SLC38A9: variants seen among roughly 807,000 people sequenced by gnomAD.
The protein encoded by SLC38A9 is neutral amino acid transporter 9.
SLC38A9 carries 48 observed loss-of-function variants against 62.3 expected under a neutral mutation model. That is an observed-to-expected ratio of 0.77 (90% CI 0.61 to 0.98). The LOEUF (loss-of-function observed/expected upper bound fraction) is 0.98, where lower values mean the gene tolerates loss of function less well. Ranked by LOEUF, SLC38A9 falls within the 50% of genes least tolerant of loss-of-function variation. SLC38A9 has a pLI of 0.00. For missense variants in SLC38A9, 541 were observed against 679.8 expected, an observed-to-expected ratio of 0.80 and a Z score of 2.27; for synonymous variants, 204 against 227.7, an observed-to-expected ratio of 0.90 and a Z score of 0.94.
chr5:55,634,654 G>C (rs1239727825), intron 13 of SLC38A9: 1 of 152,078 alleles, frequency 6.6e-6, no homozygotes, highest in East Asian at 1.9e-4. Flanking sequence ...AAGAAAATAA[G>C]AACATTTCCA....
chr5:55,690,957 A>G (rs754818263), intron 3 of SLC38A9, among the ~76,000 whole-genome samples: 17 of 152,196 alleles, frequency 1.1e-4, no homozygotes, highest in Non-Finnish European at 2.5e-4. Flanking sequence ...TAAGTACCAA[A>G]AAGAGTCAAC....
rs1187998050 is a variant in SLC38A9, at chr5:55,669,866, T to C, written c.260A>G (p.His87Arg). The change falls in exon 5 of 16, where the codon CAT becomes CGT. Residue 87 changes from histidine to arginine, a missense_variant. Coordinates refer to ENST00000396865, the MANE Select transcript of SLC38A9 (RefSeq NM_173514.4). ...GCACTCTTCTGGAGCTGGAACTACA[T>C]GGTCTGGGGCAATCTGGTAAAAAGG... ...PADKALIAPD[H>R]VVPAPEECYV... is the part of the protein sequence containing the mutation. 2.5e-6 allele frequency: 4 copies of C among 1,606,646 alleles called. No homozygotes were observed. The highest frequency in any genetic ancestry group is 3.4e-6 in the Non-Finnish European group (4 of 1,177,884).
chr5:55,675,666 G>T (rs926796146), intron 3 of SLC38A9, among the ~76,000 whole-genome samples: 2 of 152,054 alleles, frequency 1.3e-5, no homozygotes, highest in South Asian at 2.1e-4. Flanking sequence ...AGTCATATTT[G>T]TCTTACCTTA....
At chr5:55,639,496 G>C (rs989266120) in intron 12 of SLC38A9, among the ~76,000 whole-genome samples, 4 of 151,980 alleles carry the variant, frequency 2.6e-5, no homozygotes, top group African/African-American at 9.7e-5. Context: ...CTATTCTTTT[G>C]TCTTCTTTTC....
At chr5:55,679,393 T>C (rs1475122355) in intron 3 of SLC38A9, among the ~76,000 whole-genome samples, 1 of 152,168 alleles carries the variant, frequency 6.6e-6, no homozygotes, top group Non-Finnish European at 1.5e-5. Flanking sequence ...GACAAAGAAC[T>C]TGACCTGAAA....
chr5:55,680,199 G>A lies in SLC38A9; in HGVS notation c.114-7504C>T, dbSNP rs572900869. Among the ~76,000 whole-genome samples, 199 of 145,154 alleles carry A rather than the reference G, an allele frequency of 1.4e-3. 1 individual carries two copies. In the Middle Eastern group the frequency reaches 0.014, roughly 10 times the overall value. On this transcript the variant is annotated intron_variant, in intron 3 of 15. Transcript: ENST00000396865. ...AGAAAGACAATGAAAGACAGTAAAGGTTTCAGTGTATATATCTATATATAT... is the reference window on the plus strand; with the variant it reads ...AGAAAGACAATGAAAGACAGTAAAGATTTCAGTGTATATATCTATATATAT...
chr5:55,684,558 C>T (rs1307980922), intron 3 of SLC38A9, among the ~76,000 whole-genome samples: 1 of 152,138 alleles, frequency 6.6e-6, no homozygotes, highest in African/African-American at 2.4e-5. Flanking sequence ...CTAAAGTTTA[C>T]GTGAAGTCTC....
intron 8 of SLC38A9, chr5:55,657,864 G>T (rs1748732754): frequency 6.6e-6 from 1 of 152,166 alleles, no homozygotes; most frequent in Non-Finnish European, 1.5e-5. Context: ...TAGAATAAAA[G>T]AAACAGTATA....
chr5:55,652,501 GT>G, intron 10 of SLC38A9, 27 bp downstream of exon 10: 3 of 1,433,912 alleles, frequency 2.1e-6, no homozygotes, highest in Non-Finnish European at 1.9e-6. Flanking sequence ...ATTACACAAA[GT>G]CTCCATAATT....
chr5:55,708,319 G>T (rs1262481086), intron 2 of SLC38A9, among the ~76,000 whole-genome samples: 1 of 152,178 alleles, frequency 6.6e-6, no homozygotes, highest in East Asian at 1.9e-4. Context: ...GACAGAGTGA[G>T]ACTGTCTCTA....
intron 2 of SLC38A9, among the ~76,000 whole-genome samples, chr5:55,702,281 C>G (rs1188668472): frequency 6.7e-6 from 1 of 148,802 alleles, no homozygotes; most frequent in Non-Finnish European, 1.5e-5. Flanking sequence ...TTTTTTGAGA[C>G]AGGTTCTCAC....
At chr5:55,627,174 TTGAGGA>T (rs924443457) in intron 15 of SLC38A9, among the ~76,000 whole-genome samples, 5 of 152,210 alleles carry the variant, frequency 3.3e-5, no homozygotes, top group African/African-American at 1.2e-4. Flanking sequence ...TTGGGTTTTC[TTGAGGA>T]ACAGTTCAAT....
chr5:55,664,822 TG>T lies in SLC38A9; in HGVS notation c.567del (p.Cys189Ter). On this transcript the variant is annotated frameshift_variant, in exon 8 of 16. Coordinates refer to ENST00000396865, the MANE Select transcript of SLC38A9 (RefSeq NM_173514.4). LOFTEE classifies it high-confidence loss of function. The stretch of plus-strand genomic sequence containing the variant: ...TGCCCAAAGGAGCCGAAATAATGTC[TG>T]CAGACATCTGGATATTCCCAGCTAG... Reference protein sequence around the residue: ...DTTSWEYPDVCRHYFGSFGQW... With the variant: ...DTTSWEYPDVXRHYFGSFGQW... 6.4e-7 allele frequency: 1 copy of T among 1,570,686 alleles called. No homozygotes were observed. The highest frequency in any genetic ancestry group is 8.6e-7 in the Non-Finnish European group (1 of 1,161,964).
chr5:55,652,730 T>G lies in SLC38A9; in HGVS notation c.758-7A>C, dbSNP rs1747740943. ...CCGGCACTTGGACAAATCACTGCAA[T>G]AGGAAAGCACCAGATTAAAGAAGAT... is the stretch of plus-strand genomic sequence containing the variant. On this transcript the variant is annotated splice_region_variant and splice_polypyrimidine_tract_variant and intron_variant, in intron 9 of 15. Transcript: ENST00000396865. 1 of 1,600,944 alleles carries G rather than the reference T, an allele frequency of 6.2e-7. No homozygotes were observed. Among genetic ancestry groups the G allele is most frequent in the African/African-American group, 1.4e-5 (1 of 74,048 alleles).
chr5:55,643,111 T>C (rs1033051286), intron 12 of SLC38A9, among the ~76,000 whole-genome samples: 9 of 152,236 alleles, frequency 5.9e-5, no homozygotes, highest in Non-Finnish European at 7.3e-5. Context: ...AGTAACTGGT[T>C]AACTTTTGTT....
chr5:55,627,264 T>G (rs1742604024), intron 15 of SLC38A9, among the ~76,000 whole-genome samples: 1 of 152,138 alleles, frequency 6.6e-6, no homozygotes, highest in Non-Finnish European at 1.5e-5. Context: ...TGTTACTTTC[T>G]TAGGTAAGAG....
chr5:55,712,186 C>A (rs1310049355), intron 1 of SLC38A9, 31 bp downstream of exon 1: 1 of 152,580 alleles, frequency 6.6e-6, no homozygotes, highest in Non-Finnish European at 1.5e-5. Context: ...CCCCGAGGGG[C>A]GAGTTTGCTA....
At chr5:55,631,884 T>C (rs1170096914) in intron 14 of SLC38A9, among the ~76,000 whole-genome samples, 1 of 151,790 alleles carries the variant, frequency 6.6e-6, no homozygotes, top group African/African-American at 2.4e-5. Flanking sequence ...AATGTAAGGG[T>C]AGGAGTTAAC....
intron 4 of SLC38A9, among the ~76,000 whole-genome samples, chr5:55,670,976 AT>A (rs2150349041): frequency 6.6e-6 from 1 of 152,358 alleles, no homozygotes; most frequent in African/African-American, 2.4e-5. Context: ...TTTATTTCAC[AT>A]AGCTATTGTT....
Sources: allele counts gnomAD v4.1 joint callset (sites outside exome capture counted in the v4.1 genomes callset), GRCh38; gene constraint gnomAD v4.1.1; transcripts MANE v1.5; gene names NCBI Gene and HGNC (gene_info 2026-07-23, HGNC 2026-07-21).